Variants in GALNT13 observed in about 807,000 individuals in gnomAD.
GALNT13 encodes the protein polypeptide N-acetylgalactosaminyltransferase 13.
Under a neutral mutation model 64.2 loss-of-function variants are expected in GALNT13, and 28 were observed. The observed-to-expected ratio is 0.44, with a 90% confidence interval of 0.32 to 0.60. The LOEUF (loss-of-function observed/expected upper bound fraction) is 0.60. Among genes scored for constraint, GALNT13 ranks in the 20% least tolerant of loss-of-function variants. GALNT13 has a pLI of 0.05. For synonymous variants in GALNT13, 214 were observed against 224.6 expected (o/e 0.95, Z 0.42); for missense variants, 577 against 669.8 (o/e 0.86, Z 1.53).
chr2:154,051,339 G>C (rs1322064918), intron 3 of GALNT13, among the ~76,000 whole-genome samples: 1 of 140,550 alleles, frequency 7.1e-6, no homozygotes, highest in Non-Finnish European at 1.5e-5. Context: ...GCCGGACTGC[G>C]GACTGCAGTG....
intron 3 of GALNT13, among the ~76,000 whole-genome samples, chr2:154,053,988 CT>C (rs1699775895): frequency 6.6e-6 from 1 of 152,086 alleles, no homozygotes; most frequent in East Asian, 1.9e-4. Flanking sequence ...TCTCTTTCTC[CT>C]TTTATCACCT....
chr2:153,478,018 T>G, the GALNT13 span: 5 of 563,390 alleles, frequency 8.9e-6, no homozygotes, highest in Non-Finnish European at 1.6e-5. Flanking sequence ...TGCCACTTTC[T>G]GCTGAGTTCA....
At chr2:154,095,849 C>A (rs1211503415) in intron 3 of GALNT13, among the ~76,000 whole-genome samples, 1 of 151,886 alleles carries the variant, frequency 6.6e-6, no homozygotes, top group Non-Finnish European at 1.5e-5. Flanking sequence ...TGATAATGAA[C>A]TCCTGAAAGT....
At chr2:153,482,885 G>T in the GALNT13 span, among the ~76,000 whole-genome samples, 2 of 151,678 alleles carry the variant, frequency 1.3e-5, no homozygotes, top group African/African-American at 4.9e-5. Context: ...CTGGAAAACA[G>T]TACCTAGCAC....
intron 4 of GALNT13, among the ~76,000 whole-genome samples, chr2:154,168,999 G>A (rs1685197298): frequency 6.6e-6 from 1 of 152,102 alleles, no homozygotes; most frequent in African/African-American, 2.4e-5. Context: ...GCCAGTTTGT[G>A]CAGAGATCAC....
At chr2:154,426,896 A>G (rs1388058757) in intron 11 of GALNT13, among the ~76,000 whole-genome samples, 3 of 152,162 alleles carry the variant, frequency 2.0e-5, no homozygotes, top group African/African-American at 7.2e-5. Flanking sequence ...TTTCAATTCA[A>G]TTCATAATTG....
chr2:154,114,252 G>C (rs1458292822), intron 3 of GALNT13, among the ~76,000 whole-genome samples: 2 of 152,072 alleles, frequency 1.3e-5, no homozygotes, highest in Admixed American at 6.6e-5. Context: ...ACCAGTTAGG[G>C]GGCCAATGTG....
the GALNT13 span, among the ~76,000 whole-genome samples, chr2:153,799,502 A>C: frequency 6.6e-6 from 1 of 152,168 alleles, no homozygotes; most frequent in Non-Finnish European, 1.5e-5. Flanking sequence ...GAGTCTCAAC[A>C]ATCACCATGT....
At chr2:153,335,090 A>C in the GALNT13 span, among the ~76,000 whole-genome samples, 1 of 152,124 alleles carries the variant, frequency 6.6e-6, no homozygotes, top group Non-Finnish European at 1.5e-5. Flanking sequence ...GCTGCTATGT[A>C]AGAAGTGTCT....
intron 3 of GALNT13, among the ~76,000 whole-genome samples, chr2:154,079,656 G>T (rs1374144727): frequency 2.0e-5 from 3 of 151,372 alleles, no homozygotes; most frequent in Non-Finnish European, 4.4e-5. Flanking sequence ...CATGCATGGT[G>T]CCCTCCTTAT....
intron 3 of GALNT13, among the ~76,000 whole-genome samples, chr2:154,069,284 G>A (rs1265016726): frequency 6.6e-6 from 1 of 151,664 alleles, no homozygotes; most frequent in African/African-American, 2.4e-5. Flanking sequence ...AAGAAGAGAA[G>A]AGTTCCAGAA....
the GALNT13 span, among the ~76,000 whole-genome samples, chr2:153,633,007 C>T: frequency 4.8e-4 from 73 of 152,122 alleles, no homozygotes; most frequent in African/African-American, 1.6e-3. Flanking sequence ...TTAATCCACC[C>T]GCTTCGGCCT....
the GALNT13 span, among the ~76,000 whole-genome samples, chr2:153,491,594 A>ATATTATATT: frequency 4.4e-3 from 639 of 145,430 alleles, 6 homozygotes; most frequent in African/African-American, 0.016. Context: ...AAACCATATT[A>ATATTATATT]TATTTATTTA....
chr2:154,090,417 A>G (rs1574482191), intron 3 of GALNT13, among the ~76,000 whole-genome samples: 1 of 152,040 alleles, frequency 6.6e-6, no homozygotes, highest in East Asian at 1.9e-4. Context: ...TTCTAATAGA[A>G]ATTGCTATTT....
the GALNT13 span, among the ~76,000 whole-genome samples, chr2:153,512,061 G>T: frequency 6.6e-6 from 1 of 152,230 alleles, no homozygotes; most frequent in South Asian, 2.1e-4. Flanking sequence ...ATATGATAGG[G>T]TCAGGGTCAA....
intron 7 of GALNT13, among the ~76,000 whole-genome samples, chr2:154,258,611 C>A: frequency 6.6e-6 from 1 of 151,570 alleles, no homozygotes; most frequent in African/African-American, 2.4e-5. Context: ...ACCATGTCCA[C>A]AGATTTCTAG....
chr2:153,316,639 C>CAAAAAAAAAAAAAAAAAAAAAAAA, the GALNT13 span, among the ~76,000 whole-genome samples: 4 of 69,850 alleles, frequency 5.7e-5, no homozygotes, highest in East Asian at 1.5e-3. Flanking sequence ...GACTCCGTCT[C>CAAAAAAAAAAAAAAAAAAAAAAAA]AAAAAAAAAA....
chr2:153,558,511 A>T, the GALNT13 span, among the ~76,000 whole-genome samples: 1 of 152,194 alleles, frequency 6.6e-6, no homozygotes, highest in African/African-American at 2.4e-5. Context: ...AGTGTGGTTT[A>T]TAACAGTGGT....
chr2:153,610,727 G>C, the GALNT13 span, among the ~76,000 whole-genome samples: 2 of 151,974 alleles, frequency 1.3e-5, no homozygotes, highest in Non-Finnish European at 1.5e-5. Flanking sequence ...CAAGTTATAG[G>C]CTGTATATAA....
Sources: allele counts gnomAD v4.1 joint callset (sites outside exome capture counted in the v4.1 genomes callset), GRCh38; gene constraint gnomAD v4.1.1; transcripts MANE v1.5; gene names NCBI Gene and HGNC (gene_info 2026-07-23, HGNC 2026-07-21).